Variants in TET3 observed in about 807,000 individuals in gnomAD.
TET3 encodes methylcytosine dioxygenase TET3.
TET3 carries 19 observed loss-of-function variants against 141.4 expected under a neutral mutation model. The observed-to-expected ratio is 0.13, with a 90% CI of 0.09 to 0.20. TET3 has a LOEUF of 0.20. TET3 is among the 10% of genes least tolerant of loss of function. The probability of loss-of-function intolerance (pLI) is 1.00; values close to 1 mark genes in which losing one functional copy is unlikely to be tolerated. For synonymous variants in TET3, 1,043 were observed against 980.9 expected, an observed-to-expected ratio of 1.06 and a Z score of -1.18; for missense variants, 1,874 against 2,356.9, an observed-to-expected ratio of 0.80 and a Z score of 4.24.
At chr2:74,096,004 C>T (rs1281542985) in intron 10 of TET3, among the ~76,000 whole-genome samples, 1 of 152,198 alleles carries the variant, frequency 6.6e-6, no homozygotes, top group Non-Finnish European at 1.5e-5. Context: ...AGAGGTTGAA[C>T]ATTTTTTCCT....
chr2:73,984,000 G>T (rs1356933877), upstream of TET3, among the ~76,000 whole-genome samples: 1 of 152,256 alleles, frequency 6.6e-6, no homozygotes, highest in Non-Finnish European at 1.5e-5. Flanking sequence ...AGAGAGAACG[G>T]GCAGTTTGGC....
chr2:74,085,158 A>T (rs980526988), intron 6 of TET3, among the ~76,000 whole-genome samples: 1 of 152,190 alleles, frequency 6.6e-6, no homozygotes, highest in African/African-American at 2.4e-5. Flanking sequence ...AGCAAAAAAA[A>T]AAAAAAGAAA....
chr2:74,070,716 G>T (rs1419104010), intron 4 of TET3, among the ~76,000 whole-genome samples: 3 of 152,196 alleles, frequency 2.0e-5, no homozygotes, highest in Non-Finnish European at 4.4e-5. Flanking sequence ...TCTCAAGCCT[G>T]TAATCCTAGC....
intron 4 of TET3, among the ~76,000 whole-genome samples, chr2:74,063,148 T>G (rs1292480209): frequency 1.3e-5 from 2 of 151,604 alleles, no homozygotes; most frequent in Non-Finnish European, 2.9e-5. Context: ...CTTCCCAAAG[T>G]GTTGGGATTA....
intron 2 of TET3, among the ~76,000 whole-genome samples, chr2:73,994,137 T>A (rs1457580794): frequency 1.3e-5 from 2 of 152,068 alleles, no homozygotes; most frequent in East Asian, 3.9e-4. Flanking sequence ...GTACTTGTTT[T>A]AAAAAAGAAA....
the TET3 span, among the ~76,000 whole-genome samples, chr2:74,132,996 C>T: frequency 5.5e-4 from 83 of 151,704 alleles, no homozygotes; most frequent in South Asian, 1.9e-3. Context: ...TTCCCAGGTT[C>T]GAGAGATTCT....
In TET3 at chr2:74,107,968, C is replaced by G. The variant is rs1490381360; in HGVS notation, c.*5792C>G. ...TCCTTCCACTTTATTGGTTTGCCTC[C>G]TGAGCTACCCCTCCTTACCCTCCCT... On this transcript the variant is annotated 3_prime_UTR_variant, in exon 12 of 12. Transcript: ENST00000409262. The G allele has an allele frequency of 6.5e-6, 1 of 153,636 alleles. No homozygotes were observed. Among genetic ancestry groups the G allele is most frequent in the South Asian group, 2.1e-4 (1 of 4,804 alleles). 9.5% of individuals were successfully genotyped at this position (153,636 alleles called of 1,614,324 possible). A position where few individuals can be genotyped will look rare whatever the true frequency, so the allele number is the denominator to read the frequency against.
chr2:74,033,375 T>TTTCCCCCATTTCAAATATTATGTAC (rs1686859533), intron 3 of TET3, among the ~76,000 whole-genome samples: 15 of 152,270 alleles, frequency 9.9e-5, no homozygotes, highest in Admixed American at 9.8e-4. Flanking sequence ...AATCCTATTT[T>TTTCCCCCATTTCAAATATTATGTAC]TTCCCCCATT....
the TET3 span, among the ~76,000 whole-genome samples, chr2:74,114,046 T>C: frequency 6.6e-6 from 1 of 152,094 alleles, no homozygotes; most frequent in African/African-American, 2.4e-5. Flanking sequence ...CTATCAGGCC[T>C]CAAAATATAC....
chr2:74,113,422 C>T, the TET3 span, among the ~76,000 whole-genome samples: 5 of 152,066 alleles, frequency 3.3e-5, no homozygotes, highest in Non-Finnish European at 7.4e-5. Context: ...TCTTATTCAA[C>T]GTAGTACTAG....
At chr2:74,065,640 C>CTA (rs1688847444) in intron 4 of TET3, among the ~76,000 whole-genome samples, 1 of 137,560 alleles carries the variant, frequency 7.3e-6, no homozygotes, top group Non-Finnish European at 1.6e-5. Flanking sequence ...CCTTCCTTCT[C>CTA]TTTCTCTCTC....
At chr2:74,043,227 T>A (rs1687437272) in intron 3 of TET3, among the ~76,000 whole-genome samples, 3 of 152,266 alleles carry the variant, frequency 2.0e-5, no homozygotes, top group African/African-American at 2.4e-5. Context: ...CACATTAGTT[T>A]AGGCTTCTAA....
chr2:74,044,698 C>A (rs1245954203), intron 3 of TET3, among the ~76,000 whole-genome samples: 2 of 152,200 alleles, frequency 1.3e-5, no homozygotes, highest in East Asian at 3.9e-4. Context: ...GATCAAAATT[C>A]AAAGTATGGT....
At chr2:74,027,948 ATATGATT>A (rs1293791188) in intron 3 of TET3, among the ~76,000 whole-genome samples, 1 of 151,808 alleles carries the variant, frequency 6.6e-6, no homozygotes, top group African/African-American at 2.4e-5. Flanking sequence ...GTATATATGT[ATATGATT>A]TATAAATTTT....
Position 74,106,988 on chromosome 2 carries a change from T to G in TET3, c.*4812T>G, listed in dbSNP as rs1691534750. 1 of 152,270 alleles carries G rather than the reference T, an allele frequency of 6.6e-6. No individual in the cohort carries two copies. The highest frequency in any genetic ancestry group is 6.5e-5 in the Admixed American group (1 of 15,290). The allele number at this position is 152,270 out of a possible 1,614,324, so 9.4% of individuals were successfully genotyped here. A position where few individuals can be genotyped will look rare whatever the true frequency, so the allele number is the denominator to read the frequency against. ...TGTGAATTTCCTATGCCCATCTCAT[T>G]GAGCTTTCTCAGTCATTGTTGCTGT... On this transcript the variant is annotated 3_prime_UTR_variant, in exon 12 of 12. Coordinates refer to ENST00000409262, the MANE Select transcript of TET3 (RefSeq NM_001287491.2).
intron 3 of TET3, among the ~76,000 whole-genome samples, chr2:74,010,169 G>C (rs1685352732): frequency 6.6e-6 from 1 of 152,168 alleles, no homozygotes; most frequent in Non-Finnish European, 1.5e-5. Context: ...GTGTCTTAGG[G>C]CTGTACTGGC....
Position 73,986,269 on chromosome 2 carries a change from A to G in TET3, c.-135A>G. On this transcript the variant is annotated 5_prime_UTR_variant, in exon 2 of 12. Coordinates refer to ENST00000409262, the MANE Select transcript of TET3 (RefSeq NM_001287491.2). Reference sequence around the variant, plus strand: ...TTGAGAAGAGGCATCCATCCACGAGACTGAAGCCACTTGCCTTCACCCTTG... The same window carrying G: ...TTGAGAAGAGGCATCCATCCACGAGGCTGAAGCCACTTGCCTTCACCCTTG... The G allele has an allele frequency of 9.3e-6, 7 of 750,750 alleles. No homozygotes were observed. Among genetic ancestry groups the G allele is most frequent in the Non-Finnish European group, 1.3e-5 (7 of 549,342 alleles). 46.5% of individuals were successfully genotyped at this position (750,750 alleles called of 1,614,324 possible). A position where few individuals can be genotyped will look rare whatever the true frequency, so the allele number is the denominator to read the frequency against.
chr2:74,022,985 A>C (rs896728907), intron 3 of TET3, among the ~76,000 whole-genome samples: 1 of 152,030 alleles, frequency 6.6e-6, no homozygotes, highest in Non-Finnish European at 1.5e-5. Flanking sequence ...CAAATTGACC[A>C]GGCTGGTCTT....
At chr2:73,984,725 G>A (rs951658249), upstream of TET3, among the ~76,000 whole-genome samples, 65 of 151,242 alleles carry the variant, frequency 4.3e-4, no homozygotes, top group Non-Finnish European at 9.2e-4. The surrounding 1 kb of genome is among the most constrained non-coding windows in gnomAD (Gnocchi z 5.6). Flanking sequence ...CGGCGGCCGG[G>A]CCGGAGCCTG....
Sources: allele counts gnomAD v4.1 joint callset (sites outside exome capture counted in the v4.1 genomes callset), GRCh38; gene constraint gnomAD v4.1.1; non-coding constraint Gnocchi (gnomAD v3.1); transcripts MANE v1.5; gene names NCBI Gene and HGNC (gene_info 2026-07-23, HGNC 2026-07-21).